Variants in GRIN2B observed in about 807,000 individuals in gnomAD.
GRIN2B encodes glutamate receptor ionotropic, NMDA 2B.
GRIN2B carries 5 observed loss-of-function variants against 114.5 expected under a neutral mutation model. The ratio of observed to expected loss-of-function variants is 0.04; its 90% CI spans 0.02 to 0.09. The LOEUF (loss-of-function observed/expected upper bound fraction) is 0.09, where lower values mean the gene tolerates loss of function less well. Ranked by LOEUF, GRIN2B falls within the 10% of genes least tolerant of loss-of-function variation. GRIN2B has a pLI of 1.00. For synonymous variants in GRIN2B, 787 were observed against 745.1 expected, an observed-to-expected ratio of 1.06 and a Z score of -0.92; for missense variants, 1,108 against 1,943.5, an observed-to-expected ratio of 0.57 and a Z score of 8.08.
intron 5 of GRIN2B, among the ~76,000 whole-genome samples, chr12:13,659,926 G>A (rs1052051829): frequency 3.9e-5 from 6 of 152,122 alleles, no homozygotes; most frequent in East Asian, 1.9e-4. Flanking sequence ...AGTTTCTGTC[G>A]GTCAGCTTCC....
chr12:13,776,553 A>G (rs1864007215), intron 3 of GRIN2B, among the ~76,000 whole-genome samples: 1 of 152,214 alleles, frequency 6.6e-6, no homozygotes. Flanking sequence ...CTTGAAAATT[A>G]CTGAGGAGAA....
At chr12:13,889,481 C>T (rs537258683) in intron 2 of GRIN2B, among the ~76,000 whole-genome samples, 4 of 152,272 alleles carry the variant, frequency 2.6e-5, no homozygotes, top group African/African-American at 7.2e-5. Flanking sequence ...GCTTCATCTG[C>T]CAACTATTTT....
intron 4 of GRIN2B, among the ~76,000 whole-genome samples, chr12:13,731,553 A>G (rs1162516600): frequency 9.9e-5 from 15 of 152,192 alleles, no homozygotes; most frequent in Admixed American, 9.8e-4. Context: ...GTGAGCCGAG[A>G]TTGCACCACT....
intron 10 of GRIN2B, among the ~76,000 whole-genome samples, chr12:13,594,233 A>T (rs1298465242): frequency 6.6e-6 from 1 of 152,222 alleles, no homozygotes; most frequent in Non-Finnish European, 1.5e-5. Flanking sequence ...ACCTATGTTT[A>T]TTGTGGCACT....
intron 5 of GRIN2B, among the ~76,000 whole-genome samples, chr12:13,665,963 T>C (rs529521303): frequency 3.9e-5 from 6 of 152,128 alleles, no homozygotes; most frequent in Admixed American, 6.6e-5. Context: ...TCCTTTCCTA[T>C]GGGATGAATG....
intron 10 of GRIN2B, among the ~76,000 whole-genome samples, chr12:13,572,491 T>G (rs1432954210): frequency 6.6e-6 from 1 of 152,212 alleles, no homozygotes; most frequent in East Asian, 1.9e-4. Context: ...TCTTTTGACC[T>G]TCCCTGATGC....
At chr12:13,763,347 A>T (rs147199819) in intron 3 of GRIN2B, among the ~76,000 whole-genome samples, 14 of 152,310 alleles carry the variant, frequency 9.2e-5, no homozygotes, top group African/African-American at 3.4e-4. Flanking sequence ...ATGGCCACCC[A>T]GATGAAGCCT....
intron 2 of GRIN2B, among the ~76,000 whole-genome samples, chr12:13,942,199 T>C (rs971614029): frequency 6.6e-6 from 1 of 152,198 alleles, no homozygotes; most frequent in Non-Finnish European, 1.5e-5. Flanking sequence ...ATTAGCATCA[T>C]TTGCCAGAAG....
chr12:13,825,586 G>A (rs1188399101), intron 3 of GRIN2B, among the ~76,000 whole-genome samples: 2 of 148,092 alleles, frequency 1.4e-5, no homozygotes, highest in African/African-American at 2.5e-5. Flanking sequence ...GCCCGATGTC[G>A]GCTCACTGCA....
intron 3 of GRIN2B, among the ~76,000 whole-genome samples, chr12:13,828,921 A>G (rs1253361187): frequency 6.6e-6 from 1 of 152,142 alleles, no homozygotes; most frequent in Non-Finnish European, 1.5e-5. Context: ...AAAGATATAC[A>G]TTATCTGGTG....
chr12:13,841,216 T>C (rs957104847), intron 3 of GRIN2B, among the ~76,000 whole-genome samples: 1 of 152,154 alleles, frequency 6.6e-6, no homozygotes, highest in East Asian at 1.9e-4. Flanking sequence ...AGCTGAGACC[T>C]AATGAATGAT....
chr12:13,761,689 T>G (rs1268835579), intron 3 of GRIN2B, among the ~76,000 whole-genome samples: 6 of 152,188 alleles, frequency 3.9e-5, no homozygotes, highest in Non-Finnish European at 7.3e-5. Flanking sequence ...CTGACTTGTA[T>G]TTTTATTAAG....
At chr12:13,792,566 C>T (rs1408852540) in intron 3 of GRIN2B, among the ~76,000 whole-genome samples, 1 of 152,200 alleles carries the variant, frequency 6.6e-6, no homozygotes, top group African/African-American at 2.4e-5. Context: ...ATACTTCACC[C>T]CAGACCCTGT....
In GRIN2B at chr12:13,550,227, C is replaced by T. The variant is rs1053561243; in HGVS notation, c.*12556G>A. 6.6e-6 allele frequency: 1 copy of T among 152,126 alleles called. No individual in the cohort carries two copies. Among genetic ancestry groups the T allele is most frequent in the African/African-American group, 2.4e-5 (1 of 41,406 alleles). The allele number at this position is 152,126 out of a possible 1,614,324, so 9.4% of individuals were successfully genotyped here. On this transcript the variant is annotated 3_prime_UTR_variant, in exon 14 of 14. Transcript: ENST00000609686. ...CACATACCAACTACTGTGATTTACT[C>T]AGAATGTACCATAGGCTAAGTGTGG... is the stretch of plus-strand genomic sequence containing the variant.
intron 3 of GRIN2B, among the ~76,000 whole-genome samples, chr12:13,774,856 T>C (rs1182395440): frequency 6.6e-6 from 1 of 152,118 alleles, no homozygotes; most frequent in Non-Finnish European, 1.5e-5. Flanking sequence ...AATATACAAG[T>C]GACACTAATG....
chr12:13,937,219 G>A (rs1867145436), intron 2 of GRIN2B, among the ~76,000 whole-genome samples: 1 of 151,182 alleles, frequency 6.6e-6, no homozygotes, highest in Admixed American at 6.6e-5. Context: ...TTTTAAATGA[G>A]ATTGAAGCAG....
At chr12:13,629,312 T>A (rs1454691011) in intron 5 of GRIN2B, among the ~76,000 whole-genome samples, 1 of 152,178 alleles carries the variant, frequency 6.6e-6, no homozygotes, top group Non-Finnish European at 1.5e-5. Flanking sequence ...ATATCCAAGG[T>A]CATTGCATCT....
At chr12:13,674,840 A>G (rs1950056555) in intron 5 of GRIN2B, among the ~76,000 whole-genome samples, 1 of 152,086 alleles carries the variant, frequency 6.6e-6, no homozygotes, top group African/African-American at 2.4e-5. Context: ...GCTATAAGAC[A>G]CCTCTGAACT....
chr12:13,818,761 G>C (rs1222285278), intron 3 of GRIN2B, among the ~76,000 whole-genome samples: 1 of 152,162 alleles, frequency 6.6e-6, no homozygotes, highest in African/African-American at 2.4e-5. Flanking sequence ...CTGTCCCAGA[G>C]ACTGGTCCAA....
Sources: allele counts gnomAD v4.1 joint callset (sites outside exome capture counted in the v4.1 genomes callset), GRCh38; gene constraint gnomAD v4.1.1; transcripts MANE v1.5; gene names NCBI Gene and HGNC (gene_info 2026-07-23, HGNC 2026-07-21).